DDR2: variants seen among roughly 807,000 people sequenced by gnomAD.
DDR2 encodes discoidin domain receptor tyrosine kinase 2.
DDR2 carries 27 observed loss-of-function variants against 94.9 expected under a neutral mutation model. The observed-to-expected ratio is 0.28, with a 90% confidence interval of 0.21 to 0.39. The LOEUF (loss-of-function observed/expected upper bound fraction) is 0.39, where lower values mean the gene tolerates loss of function less well. Ranked by LOEUF, DDR2 falls within the 10% of genes least tolerant of loss-of-function variation. DDR2 has a pLI of 1.00. For missense variants in DDR2, 783 were observed against 1,076.0 expected, an observed-to-expected ratio of 0.73 and a Z score of 3.81; for synonymous variants, 382 against 377.2, an observed-to-expected ratio of 1.01 and a Z score of -0.15.
Position 162,651,762 on chromosome 1 carries a change from T to C in DDR2, c.-191-3449T>C, listed in dbSNP as rs1657705599. Among the ~76,000 whole-genome samples the C allele has an allele frequency of 2.6e-5, 4 of 152,226 alleles. No individual in the cohort carries two copies. The South Asian group carries it at 8.3e-4, about 31-fold the overall frequency. ...ATCTCCTAACAAAATACTAATAAAA[T>C]TTAAGTAAAATAAATAATCTACAAT... is the stretch of plus-strand genomic sequence containing the variant. On this transcript the variant is annotated intron_variant, in intron 1 of 17. Coordinates refer to ENST00000367921, the MANE Select transcript of DDR2 (RefSeq NM_006182.4).
intron 3 of DDR2, among the ~76,000 whole-genome samples, chr1:162,731,683 T>C (rs543682750): frequency 6.6e-6 from 1 of 152,214 alleles, no homozygotes; most frequent in Non-Finnish European, 1.5e-5. Flanking sequence ...AACAAATAGT[T>C]CTCTCTTCTC....
intron 2 of DDR2, among the ~76,000 whole-genome samples, chr1:162,690,286 AC>A (rs1234567777): frequency 6.6e-6 from 1 of 152,104 alleles, no homozygotes; most frequent in African/African-American, 2.4e-5. Context: ...TGGCGTAGAA[AC>A]CCAGGCAGTC....
chr1:162,747,226 A>C (rs1300899242), intron 3 of DDR2, among the ~76,000 whole-genome samples: 1 of 152,188 alleles, frequency 6.6e-6, no homozygotes, highest in East Asian at 1.9e-4. Context: ...TCTCCAAGGA[A>C]GTTTGGAGGA....
Position 162,783,395 on chromosome 1 carries a change from A to G in DDR2, c.*3149A>G, listed in dbSNP as rs1475557421. 5 of 151,922 alleles carry G rather than the reference A, an allele frequency of 3.3e-5. No homozygotes were observed. Among genetic ancestry groups the G allele is most frequent in the Non-Finnish European group, 7.4e-5 (5 of 67,966 alleles). The allele number at this position is 151,922 out of a possible 1,614,324, so 9.4% of individuals were successfully genotyped here. ...AAGAGGACTGTGTGCAAGTGGGGTG[A>G]AAAAAAAGGATACGTGAATGTGCAT... On this transcript the variant is annotated 3_prime_UTR_variant, in exon 18 of 18. Coordinates refer to ENST00000367921, the MANE Select transcript of DDR2 (RefSeq NM_006182.4).
At chr1:162,654,111 A>G (rs987253988) in intron 1 of DDR2, among the ~76,000 whole-genome samples, 3 of 152,188 alleles carry the variant, frequency 2.0e-5, no homozygotes, top group African/African-American at 7.2e-5. Context: ...GGTGAAATGT[A>G]TAGCATACTA....
chr1:162,658,829 A>AAATAAATAAATAAATAAATGAAT (rs60623253), intron 2 of DDR2, among the ~76,000 whole-genome samples: 1 of 133,622 alleles, frequency 7.5e-6, no homozygotes, highest in Non-Finnish European at 1.6e-5. Context: ...CCTGTCTCAA[A>AAATAAATAAATAAATAAATGAAT]AAATAAATAA....
At chr1:162,760,981 T>A (rs1392902918) in intron 8 of DDR2, among the ~76,000 whole-genome samples, 3 of 151,362 alleles carry the variant, frequency 2.0e-5, no homozygotes, top group Non-Finnish European at 2.9e-5. Flanking sequence ...AAAAAAAAAA[T>A]GAAATTGTTT....
At chr1:162,724,358 T>A (rs1661554811) in intron 3 of DDR2, among the ~76,000 whole-genome samples, 1 of 152,104 alleles carries the variant, frequency 6.6e-6, no homozygotes, top group Non-Finnish European at 1.5e-5. Context: ...TAATTGAGAT[T>A]TGAGGGACAG....
chr1:162,631,817 A>T (rs899155025), upstream of DDR2, among the ~76,000 whole-genome samples: 1 of 152,182 alleles, frequency 6.6e-6, no homozygotes, highest in African/African-American at 2.4e-5. Flanking sequence ...ATTTAGCAGC[A>T]TGAATCCAGG....
intron 9 of DDR2, 22 bp from the exon 10 acceptor site, chr1:162,765,979 A>G (rs1347333050): frequency 9.3e-6 from 15 of 1,613,304 alleles, no homozygotes; most frequent in Non-Finnish European, 1.3e-5. Flanking sequence ...CCTGGCTCTG[A>G]CTCACCCTTG....
chr1:162,760,358 T>TTGTG (rs113653768), intron 8 of DDR2, among the ~76,000 whole-genome samples: 2,278 of 143,006 alleles, frequency 0.016, 27 homozygotes, highest in African/African-American at 0.028. Context: ...ACCAGCACAG[T>TTGTG]TGTGTGTGTG....
At chr1:162,633,848 A>C (rs975690415) in intron 1 of DDR2, among the ~76,000 whole-genome samples, 1 of 152,256 alleles carries the variant, frequency 6.6e-6, no homozygotes, top group African/African-American at 2.4e-5. Flanking sequence ...AAAATAATAC[A>C]TAATTCATGC....
chr1:162,667,142 G>C (rs1454415936), intron 2 of DDR2, among the ~76,000 whole-genome samples: 1 of 151,932 alleles, frequency 6.6e-6, no homozygotes, highest in Admixed American at 6.6e-5. Flanking sequence ...ATATTTTGCT[G>C]CCAGTCACCC....
chr1:162,694,380 A>G (rs1208803883), intron 2 of DDR2, among the ~76,000 whole-genome samples: 2 of 152,152 alleles, frequency 1.3e-5, no homozygotes, highest in Non-Finnish European at 2.9e-5. Flanking sequence ...CCTCTGAGGA[A>G]AGGCCCTTTA....
At chr1:162,776,074 T>C in intron 15 of DDR2, 62 bp from the exon 16 acceptor site, 1 of 1,459,848 alleles carries the variant, frequency 6.9e-7, no homozygotes, top group Non-Finnish European at 9.6e-7. Context: ...TTTTAGAATG[T>C]GTACCTTTCA....
chr1:162,715,924 G>A (rs143906315), intron 2 of DDR2, among the ~76,000 whole-genome samples: 12 of 152,204 alleles, frequency 7.9e-5, no homozygotes, highest in South Asian at 4.1e-4. Context: ...CTTGAAGCCC[G>A]GCAACAGTTT....
rs374131049 is a variant in DDR2, at chr1:162,708,805, C to A, written c.-27-10232C>A. Among the ~76,000 whole-genome samples the A allele has an allele frequency of 5.3e-5, 8 of 152,274 alleles. No homozygotes were observed. The South Asian group carries it at 1.7e-3, about 32-fold the overall frequency. On this transcript the variant is annotated intron_variant, in intron 2 of 17. Coordinates refer to ENST00000367921, the MANE Select transcript of DDR2 (RefSeq NM_006182.4). ...TATCATGTAAATACCTGCCAACCAA[C>A]CTACACATATTCTCTGAGTACTTAC...
intron 1 of DDR2, among the ~76,000 whole-genome samples, chr1:162,640,209 T>C (rs1255400767): frequency 6.6e-6 from 1 of 151,980 alleles, no homozygotes; most frequent in Non-Finnish European, 1.5e-5. Flanking sequence ...GCCCAACTAA[T>C]TTTTGTATTT....
intron 2 of DDR2, among the ~76,000 whole-genome samples, chr1:162,694,317 C>A (rs554019977): frequency 5.3e-5 from 8 of 152,298 alleles, no homozygotes; most frequent in African/African-American, 1.9e-4. Flanking sequence ...TTCTGCTTTG[C>A]CGTACACTCC....
Sources: gnomAD v4.1 joint callset for allele counts (sites outside exome capture counted in the v4.1 genomes callset) on GRCh38, gnomAD v4.1.1 for gene constraint, MANE v1.5 for transcripts, NCBI Gene and HGNC (gene_info 2026-07-23, HGNC 2026-07-21) for gene names.